HYAL1: variants seen among roughly 807,000 people sequenced by gnomAD.
HYAL1 encodes hyaluronidase 1, also known as hyaluronidase-1.
HYAL1 carries 21 observed loss-of-function variants against 28.8 expected under a neutral mutation model. That is an observed-to-expected ratio of 0.73 (90% CI 0.52 to 1.05). The LOEUF (loss-of-function observed/expected upper bound fraction) is 1.05, where lower values mean the gene tolerates loss of function less well. Among genes scored for constraint, HYAL1 ranks in the 50% least tolerant of loss-of-function variants. The pLI, the probability that HYAL1 is intolerant of heterozygous loss-of-function variation, is 0.00. For synonymous variants in HYAL1, 200 were observed against 230.1 expected (o/e 0.87, Z 1.18); for missense variants, 491 against 579.2 (o/e 0.85, Z 1.56).
chr3:50,300,410 T>G lies in HYAL1; in HGVS notation c.*73A>C. On this transcript the variant is annotated 3_prime_UTR_variant, in exon 4 of 4. Coordinates refer to ENST00000395144, the MANE Select transcript of HYAL1 (RefSeq NM_033159.4). ...TGACCATGACTTGTATGACTGTGCATGTATTTGAGGAAGCCCTGGCCAGAC... is the reference window on the plus strand; with the variant it reads ...TGACCATGACTTGTATGACTGTGCAGGTATTTGAGGAAGCCCTGGCCAGAC... 7.0e-7 allele frequency: 1 copy of G among 1,424,202 alleles called. No individual in the cohort carries two copies. Among genetic ancestry groups the G allele is most frequent in the Non-Finnish European group, 9.9e-7 (1 of 1,008,442 alleles). 88.2% of individuals were successfully genotyped at this position (1,424,202 alleles called of 1,614,324 possible). A position where few individuals can be genotyped will look rare whatever the true frequency, so the allele number is the denominator to read the frequency against.
chr3:50,302,872 TG>T lies in HYAL1; in HGVS notation c.84del (p.Asn29ThrfsTer31), dbSNP rs1702228906. On this transcript the variant is annotated frameshift_variant, in exon 2 of 4. Transcript: ENST00000395144. LOFTEE classifies it high-confidence loss of function. The surrounding 1 kb of genome is among the most constrained non-coding windows in gnomAD (Gnocchi z 5.0). ...MAQGFRGPLLPNRPFTTVWNA... is the reference protein window; with the variant it reads ...MAQGFRGPLLXNRPFTTVWNA... ...TTCCAGACGGTGGTGAAGGGCCGGT[TG>T]GGTAGCAAGGGGCCCCTAAAGCCTT... is the stretch of plus-strand genomic sequence containing the variant. The T allele has an allele frequency of 6.2e-7, 1 of 1,613,078 alleles. No homozygotes were observed. The highest frequency in any genetic ancestry group is 8.5e-7 in the Non-Finnish European group (1 of 1,179,318).
At position 50,300,364 on chromosome 3, in the gene HYAL1, G is replaced by A; in HGVS notation, c.*119C>T. The A allele has an allele frequency of 2.0e-6, 2 of 982,748 alleles. No homozygotes were observed. The highest frequency in any genetic ancestry group is 3.2e-6 in the Non-Finnish European group (2 of 618,650). 60.9% of individuals were successfully genotyped at this position (982,748 alleles called of 1,614,324 possible). On this transcript the variant is annotated 3_prime_UTR_variant, in exon 4 of 4. Transcript: ENST00000395144. ...GTGCAGGGAATATGCCTGTGACAGT[G>A]GCTGAGTGTACTCTTTACTGTGACC... is the stretch of plus-strand genomic sequence containing the variant.
Position 50,300,493 on chromosome 3 carries a change from C to T in HYAL1, c.1298G>A (p.Ser433Asn). ...GWQAPWCERK[S>N]MW Reference sequence around the variant, plus strand: ...TCAGTGTGTGGCCAATCACCACATGCTCTTCCGCTCACACCACGGTGCCTG... The same window carrying T: ...TCAGTGTGTGGCCAATCACCACATGTTCTTCCGCTCACACCACGGTGCCTG... Residue 433 changes from serine to asparagine, a missense_variant, in exon 4 of 4, where the codon AGC (serine) becomes AAC (asparagine). Transcript: ENST00000395144. 3 of 1,614,228 alleles carry T rather than the reference C, an allele frequency of 1.9e-6. No homozygotes were observed. Among genetic ancestry groups the T allele is most frequent in the Non-Finnish European group, 2.5e-6 (3 of 1,180,044 alleles).
At position 50,302,763 on chromosome 3, in the gene HYAL1, G is replaced by T. The variant is rs1553713384; in HGVS notation, c.194C>A (p.Thr65Asn). ...VFDVVANPGQTFRGPDMTIFY... is the reference protein window; with the variant it reads ...VFDVVANPGQNFRGPDMTIFY... The stretch of plus-strand genomic sequence containing the variant: ...AATTGTCATGTCAGGGCCGCGGAAG[G>T]TCTGCCCTGGGTTGGCTACCACATC... The change falls in exon 2 of 4, where the codon ACC (threonine) becomes AAC (asparagine). Residue 65 changes from threonine (T) to asparagine (N), a missense_variant. Thr to Asn is a moderately conservative substitution (Grantham distance 65). Transcript: ENST00000395144. This position sits in a 1 kb window ranked among gnomAD's most constrained non-coding sequence, Gnocchi z 5.0. 5.0e-6 allele frequency: 8 copies of T among 1,614,024 alleles called. No homozygotes were observed. Among genetic ancestry groups the T allele is most frequent in the Non-Finnish European group, 5.9e-6 (7 of 1,180,032 alleles).
intron 3 of HYAL1, 33 bp from the exon 4 acceptor site, chr3:50,300,833 C>T (rs1365971812): frequency 6.2e-7 from 1 of 1,604,732 alleles, no homozygotes; most frequent in Non-Finnish European, 8.5e-7. Context: ...GTCAGGGACA[C>T]CATGGCCATG....
chr3:50,302,423 A>T lies in HYAL1; in HGVS notation c.534T>A (p.Ala178=). 6.2e-7 allele frequency: 1 copy of T among 1,613,902 alleles called. No homozygotes were observed. The highest frequency in any genetic ancestry group is 8.5e-7 in the Non-Finnish European group (1 of 1,179,930). ...EAVAQDQFQG[A]ARAWMAGTLQ... is the part of the protein sequence containing the mutation. ...GGGTGCCTGCCATCCAGGCCCGTGC[A>T]GCTCCCTGGAACTGGTCCTGGGCTA... The change falls in exon 2 of 4, where the codon GCT becomes GCA. Residue 178 remains alanine, a synonymous_variant. Coordinates refer to ENST00000395144, the MANE Select transcript of HYAL1 (RefSeq NM_033159.4). The surrounding 1 kb of genome is among the most constrained non-coding windows in gnomAD (Gnocchi z 5.0).
At chr3:50,311,741 G>C (rs1234920214) in intron 1 of HYAL1, among the ~76,000 whole-genome samples, 1 of 145,586 alleles carries the variant, frequency 6.9e-6, no homozygotes, top group African/African-American at 2.6e-5. Flanking sequence ...CCTCCCTCAC[G>C]GACGGGGCGG....
chr3:50,309,209 A>T (rs587648998), intron 2 of HYAL1, among the ~76,000 whole-genome samples: 1 of 150,938 alleles, frequency 6.6e-6, no homozygotes, highest in African/African-American at 2.5e-5. Flanking sequence ...CACTCCTGTA[A>T]TCCCAGCACT....
At position 50,300,510 on chromosome 3, in the gene HYAL1, C is replaced by T. The variant is rs782573040; in HGVS notation, c.1281G>A (p.Pro427=). The T allele has an allele frequency of 2.1e-5, 34 of 1,614,236 alleles. No homozygotes were observed. In the Admixed American group the frequency reaches 4.8e-4, roughly 23 times the overall value. ...KCRCYPGWQA[P]WCERKSMW is the part of the protein sequence containing the mutation. The stretch of plus-strand genomic sequence containing the variant: ...ACCACATGCTCTTCCGCTCACACCA[C>T]GGTGCCTGCCAGCCAGGGTAGCATC... The change falls in exon 4 of 4, where the codon CCG becomes CCA. Residue 427 remains proline (P), a synonymous_variant. Transcript: ENST00000395144.
chr3:50,307,364 G>T (rs1702351532), upstream of HYAL1, among the ~76,000 whole-genome samples: 1 of 144,256 alleles, frequency 6.9e-6, no homozygotes, highest in African/African-American at 2.6e-5. Context: ...TCAGTCTCAA[G>T]AAAAAAATAA....
intron 2 of HYAL1, 40 bp from the exon 3 acceptor site, chr3:50,301,117 C>T: frequency 7.6e-7 from 1 of 1,320,590 alleles, no homozygotes; most frequent in Non-Finnish European, 1.1e-6. Flanking sequence ...GCCTCCTTCC[C>T]ACCATGTGGC....
chr3:50,303,619 C>G (rs1264232762), upstream of HYAL1: 1 of 152,394 alleles, frequency 6.6e-6, no homozygotes, highest in Non-Finnish European at 1.5e-5. Flanking sequence ...GTCACCCCAC[C>G]CAGGCCAGGG....
rs372790016 is a variant in HYAL1, at chr3:50,300,453, C to T, written c.*30G>A. 4.2e-5 allele frequency: 68 copies of T among 1,611,948 alleles called. No homozygotes were observed. Among genetic ancestry groups the T allele is most frequent in the Non-Finnish European group, 5.2e-5 (61 of 1,178,248 alleles). On this transcript the variant is annotated 3_prime_UTR_variant, in exon 4 of 4. Transcript: ENST00000395144. The stretch of plus-strand genomic sequence containing the variant: ...GGCCAGACCCAGAGTGCATTAGGTT[C>T]TCAATATGTGCAACTCAGTGTGTGG...
upstream of HYAL1, among the ~76,000 whole-genome samples, chr3:50,304,325 A>G (rs1420247641): frequency 1.9e-5 from 2 of 106,630 alleles, no homozygotes; most frequent in East Asian, 2.6e-4. Flanking sequence ...ATATATATAT[A>G]TATATATATA....
At chr3:50,310,227 A>AT (rs1702418335) in intron 1 of HYAL1, among the ~76,000 whole-genome samples, 1 of 126,106 alleles carries the variant, frequency 7.9e-6, no homozygotes, top group Non-Finnish European at 1.7e-5. Context: ...CTTTTTTTTC[A>AT]TTTTCCTAAT....
In HYAL1 at chr3:50,311,219, C is replaced by T. The variant is rs1180910825; in HGVS notation, c.-310+1045G>A. 1.3e-3 allele frequency among the ~76,000 whole-genome samples: 179 copies of T among 140,788 alleles called. 3 individuals are homozygous for T. The highest frequency in any genetic ancestry group is 4.6e-3 in the African/African-American group (173 of 38,002). 92.4% of individuals were successfully genotyped at this position (140,788 alleles called of 152,430 possible). ...TCACCTCCCGGACGGGGTGGCTGGCCGGGCGGGGGGCTGACCCCCCCAACT... is the reference window on the plus strand; with the variant it reads ...TCACCTCCCGGACGGGGTGGCTGGCTGGGCGGGGGGCTGACCCCCCCAACT... On this transcript the variant is annotated intron_variant, in intron 1 of 5. Transcript: ENST00000320295.
At chr3:50,310,402 T>A (rs1702421479) in intron 1 of HYAL1, among the ~76,000 whole-genome samples, 2 of 149,904 alleles carry the variant, frequency 1.3e-5, no homozygotes, top group African/African-American at 5.0e-5. Context: ...TAGCTGGGAC[T>A]ACAGGCAACC....
Position 50,300,777 on chromosome 3 carries a change from C to A in HYAL1, c.1014G>T (p.Glu338Asp), listed in dbSNP as rs782799048. The part of the protein sequence containing the change: ...RTKESCQAIK[E>D]YMDTTLGPFI... ...AGGGCCCCAGTGTAGTGTCCATATACTCCTTGATGGCCTGACATGATTCCT... is the reference window on the plus strand; with the variant it reads ...AGGGCCCCAGTGTAGTGTCCATATAATCCTTGATGGCCTGACATGATTCCT... The change falls in exon 4 of 4, where the codon GAG becomes GAT. Residue 338 changes from glutamate to aspartate, a missense_variant. Physicochemically the swap from Glu to Asp is conservative, Grantham distance 45. Transcript: ENST00000395144. 1 of 1,613,870 alleles carries A rather than the reference C, an allele frequency of 6.2e-7. No individual in the cohort carries two copies. The highest frequency in any genetic ancestry group is 1.3e-5 in the African/African-American group (1 of 74,920).
chr3:50,311,433 A>G (rs1476998411), intron 1 of HYAL1, among the ~76,000 whole-genome samples: 2 of 110,708 alleles, frequency 1.8e-5, no homozygotes, highest in Admixed American at 1.0e-4. Context: ...GCGGCTGGCC[A>G]GGCGGGGGGC....
Sources: gnomAD v4.1 joint callset for allele counts (sites outside exome capture counted in the v4.1 genomes callset) on GRCh38, gnomAD v4.1.1 for gene constraint, Gnocchi (gnomAD v3.1) non-coding constraint, MANE v1.5 for transcripts, NCBI Gene and HGNC (gene_info 2026-07-23, HGNC 2026-07-21) for gene names.